Variants in KCNH7 observed in about 807,000 individuals in gnomAD.
KCNH7 encodes voltage-gated inwardly rectifying potassium channel KCNH7.
Under a neutral mutation model 120.8 loss-of-function variants are expected in KCNH7, and 49 were observed. The observed-to-expected ratio is 0.41, with a 90% CI of 0.32 to 0.51. The LOEUF is 0.51. KCNH7 is among the 20% of genes least tolerant of loss of function. The pLI is 0.38. For synonymous variants in KCNH7, 547 were observed against 516.1 expected, an observed-to-expected ratio of 1.06 and a Z score of -0.81; for missense variants, 1,097 against 1,446.6, an observed-to-expected ratio of 0.76 and a Z score of 3.92.
At chr2:162,703,335 T>C (rs1686581612) in intron 2 of KCNH7, among the ~76,000 whole-genome samples, 1 of 152,022 alleles carries the variant, frequency 6.6e-6, no homozygotes, top group Admixed American at 6.6e-5. Context: ...AGACCCCGGG[T>C]TCAAATTCAA....
At chr2:162,564,127 T>C (rs1382877504) in intron 2 of KCNH7, among the ~76,000 whole-genome samples, 1 of 152,114 alleles carries the variant, frequency 6.6e-6, no homozygotes, top group Non-Finnish European at 1.5e-5. Context: ...TTACCACATA[T>C]AATTATTTTT....
chr2:162,411,968 C>T (rs1314068739), intron 9 of KCNH7, among the ~76,000 whole-genome samples: 3 of 151,636 alleles, frequency 2.0e-5, no homozygotes, highest in African/African-American at 7.3e-5. Context: ...CCAGAACAAA[C>T]CAAATTAAAT....
chr2:162,499,721 T>C (rs1690613659), intron 6 of KCNH7, among the ~76,000 whole-genome samples: 1 of 152,058 alleles, frequency 6.6e-6, no homozygotes, highest in South Asian at 2.1e-4. Flanking sequence ...CCCTCAGTGG[T>C]TCATTTGAAT....
intron 6 of KCNH7, among the ~76,000 whole-genome samples, chr2:162,454,671 C>T (rs1341865007): frequency 1.3e-5 from 2 of 151,504 alleles, no homozygotes; most frequent in Non-Finnish European, 3.0e-5. Context: ...CCTTCACACC[C>T]CTTGTAAGTT....
At chr2:162,499,333 T>G (rs1311876836) in intron 6 of KCNH7, among the ~76,000 whole-genome samples, 1 of 152,048 alleles carries the variant, frequency 6.6e-6, no homozygotes, top group African/African-American at 2.4e-5. Flanking sequence ...CCGCCCAAAT[T>G]TTCTTACAAT....
chr2:162,589,620 G>A (rs914676102), intron 2 of KCNH7, among the ~76,000 whole-genome samples: 4 of 152,046 alleles, frequency 2.6e-5, no homozygotes, highest in African/African-American at 9.7e-5. Flanking sequence ...TGAAAGGGTA[G>A]CTCCTCCACT....
intron 2 of KCNH7, among the ~76,000 whole-genome samples, chr2:162,775,563 G>A (rs1683204039): frequency 6.6e-6 from 1 of 151,968 alleles, no homozygotes; most frequent in Non-Finnish European, 1.5e-5. Flanking sequence ...GATTATAAAA[G>A]GAAAGAATGT....
intron 8 of KCNH7, among the ~76,000 whole-genome samples, chr2:162,427,559 A>G (rs1687907944): frequency 1.3e-5 from 2 of 151,980 alleles, no homozygotes; most frequent in Admixed American, 6.6e-5. Flanking sequence ...TCTTCTTATT[A>G]TGGATTTGTA....
At chr2:162,792,113 C>T (rs1204675605) in intron 2 of KCNH7, among the ~76,000 whole-genome samples, 2 of 152,104 alleles carry the variant, frequency 1.3e-5, no homozygotes, top group Non-Finnish European at 2.9e-5. Context: ...TTGAACCAAA[C>T]TTGCATCCCA....
intron 2 of KCNH7, among the ~76,000 whole-genome samples, chr2:162,614,955 A>C (rs1683094675): frequency 6.6e-6 from 1 of 152,084 alleles, no homozygotes; most frequent in African/African-American, 2.4e-5. Context: ...GAAAAAGATA[A>C]ATTCATAAAG....
At chr2:162,629,690 A>T (rs1362380724) in intron 2 of KCNH7, among the ~76,000 whole-genome samples, 3 of 151,970 alleles carry the variant, frequency 2.0e-5, no homozygotes, top group Non-Finnish European at 2.9e-5. Context: ...TCCCAATACC[A>T]CATTCAGTGA....
intron 2 of KCNH7, among the ~76,000 whole-genome samples, chr2:162,614,004 G>A (rs1284120739): frequency 1.3e-5 from 2 of 150,382 alleles, no homozygotes; most frequent in African/African-American, 4.9e-5. Flanking sequence ...AGAGTACAAA[G>A]AAACTGAGCC....
intron 2 of KCNH7, among the ~76,000 whole-genome samples, chr2:162,621,459 C>A (rs929002219): frequency 6.6e-6 from 1 of 151,604 alleles, no homozygotes; most frequent in African/African-American, 2.4e-5. Flanking sequence ...AGGGCTGGAA[C>A]CTTTTAACAG....
intron 10 of KCNH7, among the ~76,000 whole-genome samples, chr2:162,397,457 TG>T (rs1355224919): frequency 6.6e-6 from 1 of 151,844 alleles, no homozygotes; most frequent in Admixed American, 6.6e-5. Context: ...CTTTTGAATC[TG>T]CCCTTAAAAA....
intron 2 of KCNH7, among the ~76,000 whole-genome samples, chr2:162,711,768 G>A (rs1574294635): frequency 6.6e-6 from 1 of 152,056 alleles, no homozygotes; most frequent in African/African-American, 2.4e-5. Context: ...CCTCTAAAAA[G>A]AGGAGAATGC....
intron 6 of KCNH7, among the ~76,000 whole-genome samples, chr2:162,458,807 G>C (rs913796855): frequency 6.6e-6 from 1 of 151,896 alleles, no homozygotes; most frequent in Admixed American, 6.6e-5. Context: ...TAGAAGGTCT[G>C]AGCCTGGGCA....
intron 9 of KCNH7, among the ~76,000 whole-genome samples, chr2:162,407,381 A>G (rs974514671): frequency 2.0e-5 from 3 of 152,010 alleles, no homozygotes; most frequent in African/African-American, 4.8e-5. Flanking sequence ...AGTTAACAGC[A>G]TAACTATGAG....
chr2:162,661,300 T>C (rs1684951316), intron 2 of KCNH7, among the ~76,000 whole-genome samples: 1 of 152,158 alleles, frequency 6.6e-6, no homozygotes, highest in African/African-American at 2.4e-5. Flanking sequence ...AGTTCATTCC[T>C]GTTTTCAACA....
At chr2:162,572,770 C>T (rs1262565155) in intron 2 of KCNH7, among the ~76,000 whole-genome samples, 1 of 143,680 alleles carries the variant, frequency 7.0e-6, no homozygotes, top group African/African-American at 2.7e-5. Context: ...AATTGGAAAT[C>T]ATCATTCTCA....
Sources: gnomAD v4.1 joint callset for allele counts (sites outside exome capture counted in the v4.1 genomes callset) on GRCh38, gnomAD v4.1.1 for gene constraint, MANE v1.5 for transcripts, NCBI Gene and HGNC (gene_info 2026-07-23, HGNC 2026-07-21) for gene names.